ZBTB20: variants seen among roughly 807,000 people sequenced by gnomAD.
ZBTB20 encodes the protein zinc finger and BTB domain-containing protein 20.
Under a neutral mutation model 56.9 loss-of-function variants are expected in ZBTB20, and 9 were observed. The observed-to-expected ratio is 0.16, with a 90% CI of 0.10 to 0.28. The LOEUF is 0.28. ZBTB20 is among the 10% of genes least tolerant of loss of function. ZBTB20 has a pLI of 1.00. For synonymous variants in ZBTB20, 417 were observed against 420.7 expected, an observed-to-expected ratio of 0.99 and a Z score of 0.11; for missense variants, 655 against 1,003.0, an observed-to-expected ratio of 0.65 and a Z score of 4.69.
intron 5 of ZBTB20, among the ~76,000 whole-genome samples, chr3:114,742,460 G>A (rs1438855794): frequency 2.0e-5 from 3 of 152,104 alleles, no homozygotes; most frequent in African/African-American, 7.2e-5. Flanking sequence ...CATTATAATA[G>A]CAACAGCAGC....
At chr3:115,135,420 A>C (rs1409123770) in intron 1 of ZBTB20, among the ~76,000 whole-genome samples, 1 of 152,222 alleles carries the variant, frequency 6.6e-6, no homozygotes, top group East Asian at 1.9e-4. Context: ...ATTCCTGAAT[A>C]TATAAAATGA....
chr3:114,560,587 CTCTGTGGTAGTGCAGGGATA>C (rs1305440129), intron 6 of ZBTB20, among the ~76,000 whole-genome samples: 31 of 152,144 alleles, frequency 2.0e-4, no homozygotes, highest in African/African-American at 7.5e-4. Flanking sequence ...TCCTGTCTCC[CTCTGTGGTAGTGCAGGGATA>C]CTTTGGAGAT....
intron 10 of ZBTB20, among the ~76,000 whole-genome samples, chr3:114,365,875 A>C (rs770453741): frequency 2.8e-4 from 43 of 152,224 alleles, no homozygotes; most frequent in Non-Finnish European, 5.0e-4. Flanking sequence ...TTTCCCCAGC[A>C]TGAAAAGCAG....
chr3:115,062,109 ACTC>A (rs1358340959), intron 2 of ZBTB20, among the ~76,000 whole-genome samples: 1 of 152,022 alleles, frequency 6.6e-6, no homozygotes, highest in Non-Finnish European at 1.5e-5. Flanking sequence ...TGATCCAACA[ACTC>A]CTATTATGCC....
At chr3:114,371,813 G>A (rs1297359003) in intron 10 of ZBTB20, among the ~76,000 whole-genome samples, 5 of 151,962 alleles carry the variant, frequency 3.3e-5, no homozygotes, top group African/African-American at 9.7e-5. Context: ...TACAATAATG[G>A]GTATAGACCA....
At chr3:115,043,802 T>C (rs1299628330) in intron 2 of ZBTB20, among the ~76,000 whole-genome samples, 3 of 152,040 alleles carry the variant, frequency 2.0e-5, no homozygotes, top group Non-Finnish European at 4.4e-5. Context: ...CTATTATGGT[T>C]TTAATATGTG....
intron 7 of ZBTB20, chr3:114,454,875 C>G (rs1422002244): frequency 6.6e-6 from 1 of 151,600 alleles, no homozygotes; most frequent in Admixed American, 6.6e-5. Flanking sequence ...AAACCAGACA[C>G]AATGCACAAA....
rs763978377 is a variant in ZBTB20 at position 114,351,718 on chromosome 3, G to A, written c.360C>T (p.Cys120=). 5.0e-6 allele frequency: 8 copies of A among 1,613,870 alleles called. No individual in the cohort carries two copies. Among genetic ancestry groups the A allele is most frequent in the Admixed American group, 1.7e-5 (1 of 60,010 alleles). ...IHGSMLRAHR[C]VLAAGSPFFQ... ...AGAAGGGGCTGCCGGCTGCCAGCAC[G>A]CAGCGGTGTGCGCGCAGCATGCTCC... The change falls in exon 11 of 12, where the codon TGC becomes TGT. Residue 120 remains cysteine (C), a synonymous_variant. Transcript: ENST00000675478.
At chr3:115,070,138 G>A (rs2082355407) in intron 2 of ZBTB20, among the ~76,000 whole-genome samples, 1 of 152,000 alleles carries the variant, frequency 6.6e-6, no homozygotes, top group South Asian at 2.1e-4. Flanking sequence ...CAGCTTAAAG[G>A]TACTTGGAAA....
intron 11 of ZBTB20, among the ~76,000 whole-genome samples, chr3:114,346,398 C>T (rs1469073657): frequency 3.3e-5 from 5 of 151,756 alleles, no homozygotes; most frequent in Admixed American, 1.3e-4. Context: ...ATGCATCATA[C>T]GTTTACATCA....
chr3:114,553,616 A>C (rs1011808800), intron 6 of ZBTB20, among the ~76,000 whole-genome samples: 9 of 152,178 alleles, frequency 5.9e-5, no homozygotes, highest in Non-Finnish European at 1.3e-4. Flanking sequence ...TATCTGGTAC[A>C]TTCCTTCTAT....
At chr3:114,379,461 TAAACGTGATTTATCAACTTGCTTAA>T (rs1438971843) in intron 10 of ZBTB20, among the ~76,000 whole-genome samples, 1 of 152,230 alleles carries the variant, frequency 6.6e-6, no homozygotes, top group East Asian at 1.9e-4. Context: ...AAAAATCTCC[TAAACGTGATTTATCAACTTGCTTAA>T]AATAGAATTA....
chr3:114,485,115 A>G (rs779085932), intron 7 of ZBTB20, among the ~76,000 whole-genome samples: 1 of 152,184 alleles, frequency 6.6e-6, no homozygotes, highest in African/African-American at 2.4e-5. Context: ...CTGGATCCGC[A>G]TGCTGGTCTG....
At chr3:114,636,828 T>C (rs966096754) in intron 6 of ZBTB20, among the ~76,000 whole-genome samples, 13 of 152,022 alleles carry the variant, frequency 8.6e-5, no homozygotes, top group African/African-American at 3.1e-4. Flanking sequence ...TAATTAAGTG[T>C]AAATGGATTA....
intron 7 of ZBTB20, among the ~76,000 whole-genome samples, chr3:114,411,968 G>A (rs1217142402): frequency 3.3e-5 from 5 of 152,086 alleles, no homozygotes; most frequent in Admixed American, 6.6e-5. Flanking sequence ...ATTAGTATTC[G>A]GGGTATTAAA....
intron 6 of ZBTB20, among the ~76,000 whole-genome samples, chr3:114,672,029 A>C (rs188058974): frequency 4.2e-4 from 64 of 152,278 alleles, no homozygotes; most frequent in African/African-American, 1.5e-3. Context: ...GAACAGAATA[A>C]AAACTTTGGA....
In ZBTB20 at chr3:114,991,069, T is replaced by C. The variant is rs535604590; in HGVS notation, c.-506-16653A>G. Among the ~76,000 whole-genome samples, 7 of 152,316 alleles carry C rather than the reference T, an allele frequency of 4.6e-5. No individual in the cohort carries two copies. The South Asian group carries it at 1.4e-3, about 32-fold the overall frequency. ...TTCAAAAAACCAGCTCCTGGATTCATTGATTTTTTGAAGGGTTTTTTGTGT... is the reference window on the plus strand; with the variant it reads ...TTCAAAAAACCAGCTCCTGGATTCACTGATTTTTTGAAGGGTTTTTTGTGT... On this transcript the variant is annotated intron_variant, in intron 2 of 11. Coordinates refer to ENST00000675478, the MANE Select transcript of ZBTB20 (RefSeq NM_001348800.3).
chr3:114,636,930 A>AAACAAAAAC (rs2059309106), intron 6 of ZBTB20, among the ~76,000 whole-genome samples: 1 of 151,682 alleles, frequency 6.6e-6, no homozygotes, highest in African/African-American at 2.4e-5. Context: ...CAACAACAAA[A>AAACAAAAAC]AACAACAACA....
At chr3:114,722,505 A>G (rs1026325266) in intron 5 of ZBTB20, among the ~76,000 whole-genome samples, 27 of 152,242 alleles carry the variant, frequency 1.8e-4, no homozygotes, top group African/African-American at 6.5e-4. Context: ...TATAATTTCA[A>G]CTGAAGAAGA....
Sources: allele counts gnomAD v4.1 joint callset (sites outside exome capture counted in the v4.1 genomes callset), GRCh38; gene constraint gnomAD v4.1.1; transcripts MANE v1.5; gene names NCBI Gene and HGNC (gene_info 2026-07-23, HGNC 2026-07-21).